PDIA5: variants seen among roughly 807,000 people sequenced by gnomAD.
PDIA5 encodes protein disulfide isomerase family A member 5.
PDIA5 carries 58 observed loss-of-function variants against 77.6 expected under a neutral mutation model. The ratio of observed to expected loss-of-function variants is 0.75; its 90% CI spans 0.61 to 0.93. The LOEUF (loss-of-function observed/expected upper bound fraction) is 0.93, where lower values mean the gene tolerates loss of function less well. PDIA5 is among the 40% of genes least tolerant of loss of function. PDIA5 has a pLI of 0.00. For synonymous variants in PDIA5, 250 were observed against 252.1 expected (o/e 0.99, Z 0.08); for missense variants, 630 against 647.7 (o/e 0.97, Z 0.30).
chr3:123,124,244 G>A, intron 9 of PDIA5, 28 bp from the exon 10 acceptor site: 2 of 1,593,660 alleles, frequency 1.3e-6, no homozygotes, highest in East Asian at 4.5e-5. Flanking sequence ...CCGTGACTGA[G>A]CCCACGTTGT....
intron 10 of PDIA5, among the ~76,000 whole-genome samples, chr3:123,125,392 A>G (rs1935223428): frequency 6.6e-6 from 1 of 152,184 alleles, no homozygotes; most frequent in South Asian, 2.1e-4. Context: ...CCTGAGGCAC[A>G]GTAAAGGGGT....
chr3:123,102,230 C>G (rs1191156404), intron 3 of PDIA5, among the ~76,000 whole-genome samples, 181 bp from the exon 4 acceptor site: 2 of 152,154 alleles, frequency 1.3e-5, no homozygotes, highest in Non-Finnish European at 2.9e-5. Context: ...TTGATCAGCC[C>G]CTAGCCTGCT....
intron 10 of PDIA5, among the ~76,000 whole-genome samples, chr3:123,129,092 C>G (rs1401877302): frequency 6.6e-6 from 1 of 152,096 alleles, no homozygotes; most frequent in South Asian, 2.1e-4. Context: ...CCTTCAGATG[C>G]ACATAATTTT....
chr3:123,068,953 T>C (rs909545187), intron 1 of PDIA5, among the ~76,000 whole-genome samples: 1 of 152,134 alleles, frequency 6.6e-6, no homozygotes, highest in African/African-American at 2.4e-5. Context: ...AGATGTGTGG[T>C]AGTTAGCTAG....
chr3:123,084,233 G>C (rs759198347), intron 1 of PDIA5, among the ~76,000 whole-genome samples: 5 of 152,068 alleles, frequency 3.3e-5, no homozygotes, highest in Non-Finnish European at 1.5e-5. Flanking sequence ...GCACTTCCTT[G>C]CACCTTCCCA....
intron 3 of PDIA5, among the ~76,000 whole-genome samples, chr3:123,098,055 G>GT (rs1272237397): frequency 1.3e-5 from 2 of 152,056 alleles, no homozygotes; most frequent in African/African-American, 4.8e-5. Flanking sequence ...GGGTTTGGAG[G>GT]TTTTTTTGTC....
At chr3:123,120,873 C>T (rs1253268602) in intron 8 of PDIA5, among the ~76,000 whole-genome samples, 1 of 152,128 alleles carries the variant, frequency 6.6e-6, no homozygotes, top group Non-Finnish European at 1.5e-5. Flanking sequence ...TCTCCCTGCC[C>T]ACCAGCCCTG....
intron 11 of PDIA5, among the ~76,000 whole-genome samples, chr3:123,143,217 C>A (rs530251773): frequency 6.6e-6 from 1 of 151,930 alleles, no homozygotes; most frequent in Admixed American, 6.5e-5. Context: ...AACCCCATCT[C>A]TACTAAAAAT....
In PDIA5 at chr3:123,136,725, C is replaced by CA. The variant is rs59022235; in HGVS notation, c.910+6133dup. ...TTGCACTCCAGCCTGGGTGACAAGA[C>CA]AAAAAAAAAAAAAAAAAAAAAAAAG... On this transcript the variant is annotated intron_variant, in intron 11 of 16. Coordinates refer to ENST00000316218, the MANE Select transcript of PDIA5 (RefSeq NM_006810.4). Among the ~76,000 whole-genome samples the CA allele has an allele frequency of 7.1e-3, 509 of 71,542 alleles. 4 individuals are homozygous for CA. Among genetic ancestry groups the CA allele is most frequent in the Middle Eastern group, 0.027 (3 of 112 alleles). The allele number at this position is 71,542 out of a possible 152,430, so 46.9% of individuals were successfully genotyped here.
chr3:123,091,923 CA>C (rs1404019110), intron 2 of PDIA5, among the ~76,000 whole-genome samples: 3 of 152,234 alleles, frequency 2.0e-5, no homozygotes, highest in Non-Finnish European at 2.9e-5. Flanking sequence ...GGCATCAGGA[CA>C]GATGAATGTG....
chr3:123,137,508 C>T (rs1357527492), intron 11 of PDIA5, among the ~76,000 whole-genome samples: 1 of 152,128 alleles, frequency 6.6e-6, no homozygotes, highest in African/African-American at 2.4e-5. Flanking sequence ...AGCTTTACAT[C>T]CTTTGTAGCT....
At chr3:123,072,041 C>T (rs566940847) in intron 1 of PDIA5, among the ~76,000 whole-genome samples, 16 of 146,962 alleles carry the variant, frequency 1.1e-4, no homozygotes, top group African/African-American at 3.8e-4. Context: ...GTGGGGGACT[C>T]GATTCTGTAG....
At position 123,116,296 on chromosome 3, in the gene PDIA5, G is replaced by T; in HGVS notation, c.607G>T (p.Ala203Ser). 6.2e-7 allele frequency: 1 copy of T among 1,612,524 alleles called. No homozygotes were observed. Among genetic ancestry groups the T allele is most frequent in the Middle Eastern group, 1.7e-4 (1 of 6,046 alleles). Reference sequence around the variant, plus strand: ...GGCTGCGACTCAGCTGCGAGGCCACGCCGTAAGTGAGGCGCCATTGCCTGG... The same window carrying T: ...GGCTGCGACTCAGCTGCGAGGCCACTCCGTAAGTGAGGCGCCATTGCCTGG... ...QKAATQLRGH[A>S]VLAGMNVYSS... is the part of the protein sequence containing the mutation. Residue 203 changes from alanine (A) to serine (S), a missense_variant and splice_region_variant, in exon 8 of 17, where the codon GCC becomes TCC. Transcript: ENST00000316218.
At chr3:123,073,549 C>T (rs1223766848) in intron 1 of PDIA5, among the ~76,000 whole-genome samples, 2 of 152,204 alleles carry the variant, frequency 1.3e-5, no homozygotes, top group Non-Finnish European at 2.9e-5. Flanking sequence ...ATCAGCAGGG[C>T]CTCTTTCCAC....
chr3:123,082,801 G>A (rs1421234360), intron 1 of PDIA5, among the ~76,000 whole-genome samples: 1 of 152,118 alleles, frequency 6.6e-6, no homozygotes, highest in Non-Finnish European at 1.5e-5. Context: ...GGTGGGCATT[G>A]GTATTCTCCT....
chr3:123,155,614 G>A (rs540392942), intron 15 of PDIA5, among the ~76,000 whole-genome samples: 2 of 152,358 alleles, frequency 1.3e-5, no homozygotes, highest in East Asian at 3.9e-4. Context: ...TTGTGGGGCA[G>A]GGAAATACCC....
chr3:123,100,132 C>A (rs948434177), intron 3 of PDIA5, among the ~76,000 whole-genome samples: 1 of 152,204 alleles, frequency 6.6e-6, no homozygotes. Flanking sequence ...CATAGCAGAA[C>A]AAAGGCCAGC....
rs113372918 is a variant in PDIA5 at position 123,102,559 on chromosome 3, C to T, written c.341+65C>T. 2,302 of 1,241,428 alleles carry T rather than the reference C, an allele frequency of 1.9e-3. 30 individuals are homozygous for T. In the African/African-American group the frequency reaches 0.027, roughly 15 times the overall value. 76.9% of individuals were successfully genotyped at this position (1,241,428 alleles called of 1,614,324 possible). A position where few individuals can be genotyped will look rare whatever the true frequency, so the allele number is the denominator to read the frequency against. ...CAAATGCTTTCATTGGTATTTTCAG[C>T]GAACAGCAATTTTTAGTTAGATTAA... On this transcript the variant is annotated intron_variant, in intron 4 of 16. Transcript: ENST00000316218.
chr3:123,161,744 C>T, intron 16 of PDIA5, 136 bp from the exon 17 acceptor site: 1 of 717,536 alleles, frequency 1.4e-6, no homozygotes, highest in Non-Finnish European at 2.4e-6. Context: ...ACCCTCTCCA[C>T]CTTGCAGAAG....
Sources: gnomAD v4.1 joint callset for allele counts (sites outside exome capture counted in the v4.1 genomes callset) on GRCh38, gnomAD v4.1.1 for gene constraint, MANE v1.5 for transcripts, NCBI Gene and HGNC (gene_info 2026-07-23, HGNC 2026-07-21) for gene names.